The following HHIP variants were observed in gnomAD, a reference collection of about 807,000 sequenced individuals.
The protein encoded by HHIP is hedgehog-interacting protein.
In HHIP, 12 loss-of-function variants were observed where a neutral mutation model predicts 74.0. That is an observed-to-expected ratio of 0.16 (90% CI 0.10 to 0.26). HHIP has a LOEUF of 0.26. Ranked by LOEUF, HHIP falls within the 10% of genes least tolerant of loss-of-function variation. The pLI is 1.00. For missense variants in HHIP, 788 were observed against 845.0 expected, an observed-to-expected ratio of 0.93 and a Z score of 0.84; for synonymous variants, 309 against 311.6, an observed-to-expected ratio of 0.99 and a Z score of 0.09.
chr4:144,687,319 A>G (rs187184589), intron 4 of HHIP, among the ~76,000 whole-genome samples: 1 of 152,338 alleles, frequency 6.6e-6, no homozygotes, highest in Admixed American at 6.5e-5. Flanking sequence ...GTGATTCCAC[A>G]GATGGTGCTA....
At position 144,680,903 on chromosome 4, in the gene HHIP, C is replaced by T. The variant is rs1448615087; in HGVS notation, c.831+21065C>T. Reference sequence around the variant, plus strand: ...GGATATTGACGCCATCTCATTGTTCCCAGTATTGACCTGCAAAATACTAAA... The same window carrying T: ...GGATATTGACGCCATCTCATTGTTCTCAGTATTGACCTGCAAAATACTAAA... On this transcript the variant is annotated intron_variant, in intron 4 of 12. Transcript: ENST00000296575. Among the ~76,000 whole-genome samples, 7 of 152,180 alleles carry T rather than the reference C, an allele frequency of 4.6e-5. No individual in the cohort carries two copies. In the South Asian group the frequency reaches 1.5e-3, roughly 32 times the overall value.
intron 4 of HHIP, among the ~76,000 whole-genome samples, chr4:144,675,472 C>T (rs897907141): frequency 6.6e-6 from 1 of 151,710 alleles, no homozygotes; most frequent in Admixed American, 6.6e-5. Flanking sequence ...ATTAAAAACC[C>T]TTATTTGGCT....
At chr4:144,670,170 G>A (rs950823540) in intron 4 of HHIP, among the ~76,000 whole-genome samples, 6 of 140,942 alleles carry the variant, frequency 4.3e-5, no homozygotes, top group East Asian at 2.0e-4. Context: ...TTGGTCCCCC[G>A]CAGTAATTGG....
intron 4 of HHIP, among the ~76,000 whole-genome samples, chr4:144,679,315 C>T (rs1208354571): frequency 2.0e-5 from 3 of 152,062 alleles, no homozygotes; most frequent in Non-Finnish European, 2.9e-5. Flanking sequence ...AATTTTCTCC[C>T]GTTCTGTAGG....
chr4:144,696,461 C>G (rs1194856275), intron 4 of HHIP, among the ~76,000 whole-genome samples: 1 of 151,678 alleles, frequency 6.6e-6, no homozygotes, highest in African/African-American at 2.4e-5. Flanking sequence ...CATTTTATTC[C>G]CTTGTAGAAC....
At chr4:144,684,289 C>T (rs1578697581) in intron 4 of HHIP, among the ~76,000 whole-genome samples, 1 of 88,714 alleles carries the variant, frequency 1.1e-5, no homozygotes, top group Middle Eastern at 0.014. Flanking sequence ...GACGGAGTCT[C>T]GCTTTGTCAC....
In HHIP at chr4:144,742,772, T is replaced by G. The variant is rs1251916580; in HGVS notation, c.*4815T>G. 5 of 148,006 alleles carry G rather than the reference T, an allele frequency of 3.4e-5. No homozygotes were observed. The allele number at this position is 148,006 out of a possible 1,614,324, so 9.2% of individuals were successfully genotyped here. A position where few individuals can be genotyped will look rare whatever the true frequency, so the allele number is the denominator to read the frequency against. ...TATATATTTGCTATCTTATCCTCTT[T>G]TTGTCACACAAACATAAATTGGTCA... On this transcript the variant is annotated 3_prime_UTR_variant, in exon 13 of 13. Transcript: ENST00000296575.
At chr4:144,682,043 G>T (rs992834356) in intron 4 of HHIP, among the ~76,000 whole-genome samples, 3 of 152,180 alleles carry the variant, frequency 2.0e-5, no homozygotes, top group Non-Finnish European at 4.4e-5. Context: ...TGAATTATTT[G>T]TAAAATTAAT....
intron 6 of HHIP, among the ~76,000 whole-genome samples, chr4:144,707,604 G>A (rs1730180974): frequency 9.4e-6 from 1 of 105,988 alleles, no homozygotes; most frequent in African/African-American, 3.6e-5. Context: ...GGGAGATATA[G>A]AATACATAGG....
rs1731185877 is a variant in HHIP, at chr4:144,738,529, A to G, written c.*572A>G. ...CAGAATGCTACACACTTACCTTTTT[A>G]TTGGCTGAGAAATCTGGTTATTTCA... On this transcript the variant is annotated 3_prime_UTR_variant, in exon 13 of 13. Transcript: ENST00000296575. The G allele has an allele frequency of 1.1e-6, 1 of 950,036 alleles. No homozygotes were observed. Among genetic ancestry groups the G allele is most frequent in the Admixed American group, 6.2e-5 (1 of 16,204 alleles). 58.9% of individuals were successfully genotyped at this position (950,036 alleles called of 1,614,324 possible).
At chr4:144,728,633 G>A (rs1330296244) in intron 11 of HHIP, among the ~76,000 whole-genome samples, 1 of 151,980 alleles carries the variant, frequency 6.6e-6, no homozygotes, top group Non-Finnish European at 1.5e-5. Context: ...TGTCAAGGAA[G>A]GTATTCCTTA....
rs1731225326 is a variant in HHIP at position 144,740,047 on chromosome 4, T to C, written c.*2090T>C. 6.6e-6 allele frequency: 1 copy of C among 152,182 alleles called. No individual in the cohort carries two copies. Among genetic ancestry groups the C allele is most frequent in the Admixed American group, 6.5e-5 (1 of 15,276 alleles). The allele number at this position is 152,182 out of a possible 1,614,324, so 9.4% of individuals were successfully genotyped here. A position where few individuals can be genotyped will look rare whatever the true frequency, so the allele number is the denominator to read the frequency against. ...GACCTTACCATCTAATTGTCCCTTA[T>C]TCAACGTGGGTGACATTAACAAAAT... On this transcript the variant is annotated 3_prime_UTR_variant, in exon 13 of 13. Transcript: ENST00000296575.
intron 4 of HHIP, among the ~76,000 whole-genome samples, chr4:144,683,391 T>C (rs1729398305): frequency 6.6e-6 from 1 of 152,330 alleles, no homozygotes; most frequent in African/African-American, 2.4e-5. Context: ...TTTAAAAATA[T>C]TGTGGCTAAT....
chr4:144,662,037 A>G (rs1371594003), intron 4 of HHIP, among the ~76,000 whole-genome samples: 1 of 152,220 alleles, frequency 6.6e-6, no homozygotes, highest in Non-Finnish European at 1.5e-5. Flanking sequence ...CCCCTTCACA[A>G]TTACATTAAT....
At chr4:144,660,368 T>A (rs879439779) in intron 4 of HHIP, 1 of 154,100 alleles carries the variant, frequency 6.5e-6, no homozygotes, top group Admixed American at 6.5e-5. Context: ...CTTCTCTAAT[T>A]TGAATTCTCA....
intron 4 of HHIP, among the ~76,000 whole-genome samples, chr4:144,664,333 G>T (rs1728797303): frequency 6.6e-6 from 1 of 152,168 alleles, no homozygotes; most frequent in Non-Finnish European, 1.5e-5. Flanking sequence ...GAGGATGCAG[G>T]GTCCACCAGG....
intron 4 of HHIP, among the ~76,000 whole-genome samples, chr4:144,699,366 G>C (rs958564385): frequency 9.9e-5 from 15 of 152,094 alleles, no homozygotes; most frequent in African/African-American, 3.1e-4. Context: ...ATTGGAAGGG[G>C]GTGCTGTACA....
intron 4 of HHIP, among the ~76,000 whole-genome samples, chr4:144,703,417 T>TGGAAG (rs1443311056): frequency 6.6e-6 from 1 of 152,130 alleles, no homozygotes; most frequent in East Asian, 1.9e-4. Context: ...TTGACATTTC[T>TGGAAG]GGAAGGAGTG....
chr4:144,695,926 G>A (rs560929898), intron 4 of HHIP, among the ~76,000 whole-genome samples: 2 of 151,954 alleles, frequency 1.3e-5, no homozygotes, highest in Admixed American at 6.6e-5. Context: ...AAGTTCTTTG[G>A]ATGGCAAGCA....
Sources: allele counts gnomAD v4.1 joint callset (sites outside exome capture counted in the v4.1 genomes callset), GRCh38; gene constraint gnomAD v4.1.1; transcripts MANE v1.5; gene names NCBI Gene and HGNC (gene_info 2026-07-23, HGNC 2026-07-21).